The following GRB14 variants were observed in gnomAD, a reference collection of about 807,000 sequenced individuals.
The protein encoded by GRB14 is growth factor receptor bound protein 14, also known as growth factor receptor-bound protein 14.
In GRB14, 38 loss-of-function variants were observed where a neutral mutation model predicts 69.1. The ratio of observed to expected loss-of-function variants is 0.55; its 90% CI spans 0.42 to 0.72. The LOEUF (loss-of-function observed/expected upper bound fraction) is 0.72. Among genes scored for constraint, GRB14 ranks in the 30% least tolerant of loss-of-function variants. The pLI, the probability that GRB14 is intolerant of heterozygous loss-of-function variation, is 0.00. For missense variants in GRB14, 666 were observed against 666.1 expected (o/e 1.00, Z 0.00); for synonymous variants, 247 against 241.3 (o/e 1.02, Z -0.22).
At chr2:164,619,656 T>C in intron 2 of GRB14, 31 bp downstream of exon 2, 9 of 1,509,230 alleles carry the variant, frequency 6.0e-6, no homozygotes, top group Non-Finnish European at 8.1e-6. Context: ...ACTCCTAAGA[T>C]TTTTGAAATT....
intron 2 of GRB14, among the ~76,000 whole-genome samples, chr2:164,585,095 T>A: frequency 1.6e-5 from 1 of 63,358 alleles, no homozygotes; most frequent in African/African-American, 8.5e-5. Flanking sequence ...CTTTTTTTTT[T>A]TTTTTTTTTT....
At chr2:164,584,559 G>A (rs1296702680) in intron 2 of GRB14, among the ~76,000 whole-genome samples, 1 of 151,686 alleles carries the variant, frequency 6.6e-6, no homozygotes, top group Non-Finnish European at 1.5e-5. Flanking sequence ...TAGGAGATGT[G>A]TGGCTAAGAA....
chr2:164,609,012 A>G (rs1690106068), intron 2 of GRB14, among the ~76,000 whole-genome samples: 1 of 152,204 alleles, frequency 6.6e-6, no homozygotes. Context: ...GAAAGAAATC[A>G]TGTATATGTT....
In GRB14 at chr2:164,492,844, A is replaced by G; in HGVS notation, c.*192T>C. 1 of 470,120 alleles carries G rather than the reference A, an allele frequency of 2.1e-6. No homozygotes were observed. The highest frequency in any genetic ancestry group is 3.7e-6 in the Non-Finnish European group (1 of 272,492). 29.1% of individuals were successfully genotyped at this position (470,120 alleles called of 1,614,324 possible). A position where few individuals can be genotyped will look rare whatever the true frequency, so the allele number is the denominator to read the frequency against. ...TTTTCCTAAGGTTTAATTTTAACTAATGAATTTTAAATGATGAATGTAAAG... is the reference window on the plus strand; with the variant it reads ...TTTTCCTAAGGTTTAATTTTAACTAGTGAATTTTAAATGATGAATGTAAAG... On this transcript the variant is annotated 3_prime_UTR_variant, in exon 14 of 14. Coordinates refer to ENST00000263915, the MANE Select transcript of GRB14 (RefSeq NM_004490.3).
rs1412668759 is a variant in GRB14 at position 164,509,843 on chromosome 2, C to T, written c.817-991G>A. ...CCACAGAAGAACACACTGAGCAAAA[C>T]GGGCAACCCCATTCAAATCCAAAAA... On this transcript the variant is annotated intron_variant, in intron 6 of 13. Coordinates refer to ENST00000263915, the MANE Select transcript of GRB14 (RefSeq NM_004490.3). Among the ~76,000 whole-genome samples the T allele has an allele frequency of 2.8e-5, 4 of 140,360 alleles. No homozygotes were observed. The East Asian group carries it at 6.1e-4, about 21-fold the overall frequency. The allele number at this position is 140,360 out of a possible 152,430, so 92.1% of individuals were successfully genotyped here. A position where few individuals can be genotyped will look rare whatever the true frequency, so the allele number is the denominator to read the frequency against.
chr2:164,550,906 T>A (rs1187433559), intron 2 of GRB14, among the ~76,000 whole-genome samples: 1 of 152,188 alleles, frequency 6.6e-6, no homozygotes, highest in Non-Finnish European at 1.5e-5. Flanking sequence ...CATTTCCTTT[T>A]AGAGTACCAC....
chr2:164,535,120 C>T (rs1050114652), intron 3 of GRB14, among the ~76,000 whole-genome samples: 1 of 152,036 alleles, frequency 6.6e-6, no homozygotes, highest in Non-Finnish European at 1.5e-5. Flanking sequence ...GCTTCAAAAG[C>T]ATTTTAAAGG....
intron 2 of GRB14, among the ~76,000 whole-genome samples, chr2:164,613,729 C>T (rs1451525522): frequency 6.6e-6 from 1 of 152,170 alleles, no homozygotes; most frequent in Admixed American, 6.5e-5. Context: ...AGACCAGTGA[C>T]CTTTTGGCCT....
At position 164,544,327 on chromosome 2, in the gene GRB14, C is replaced by G. The variant is rs553230962; in HGVS notation, c.481+3333G>C. ...TTTGCAGTGTTCTCAGGGAAAAACACTTCTTGATTTACAGAGCAGATTTTT... is the reference window on the plus strand; with the variant it reads ...TTTGCAGTGTTCTCAGGGAAAAACAGTTCTTGATTTACAGAGCAGATTTTT... On this transcript the variant is annotated intron_variant, in intron 3 of 13. Coordinates refer to ENST00000263915, the MANE Select transcript of GRB14 (RefSeq NM_004490.3). Among the ~76,000 whole-genome samples the G allele has an allele frequency of 5.3e-5, 8 of 152,214 alleles. No homozygotes were observed. In the South Asian group the frequency reaches 1.4e-3, roughly 28 times the overall value.
chr2:164,561,724 C>A (rs764687765), intron 2 of GRB14, among the ~76,000 whole-genome samples: 9 of 152,146 alleles, frequency 5.9e-5, no homozygotes, highest in Non-Finnish European at 8.8e-5. Context: ...ACTCTCTAAG[C>A]CAATTTTCCT....
intron 5 of GRB14, 113 bp from the exon 6 acceptor site, chr2:164,522,230 A>G (rs974112069): frequency 1.1e-4 from 70 of 654,818 alleles, no homozygotes; most frequent in Middle Eastern, 4.2e-4. Flanking sequence ...ACAAGATCAT[A>G]ACATATAACA....
intron 4 of GRB14, 116 bp from the exon 5 acceptor site, chr2:164,525,194 C>T: frequency 1.4e-6 from 1 of 736,290 alleles, no homozygotes; most frequent in South Asian, 1.6e-5. Context: ...AAAATTCACC[C>T]AAAAGTGCTT....
chr2:164,556,902 C>A (rs1413525604), intron 2 of GRB14, among the ~76,000 whole-genome samples: 1 of 151,936 alleles, frequency 6.6e-6, no homozygotes, highest in Non-Finnish European at 1.5e-5. Flanking sequence ...TGAAAGAAAC[C>A]ATCATGTACA....
rs900332670 is a variant in GRB14 at position 164,604,640 on chromosome 2, T to TA, written c.324+15046dup. ...CATGTATGAACAATCTCTTCTTTCTTAAAAAAAAAAAAAGTTAGTTCTCTA... is the reference window on the plus strand; with the variant it reads ...CATGTATGAACAATCTCTTCTTTCTTAAAAAAAAAAAAAAGTTAGTTCTCTA... On this transcript the variant is annotated intron_variant, in intron 2 of 13. Transcript: ENST00000263915. Among the ~76,000 whole-genome samples the TA allele has an allele frequency of 6.6e-3, 942 of 143,654 alleles. 3 individuals are homozygous for TA. Among genetic ancestry groups the TA allele is most frequent in the East Asian group, 0.024 (117 of 4,972 alleles). The allele number at this position is 143,654 out of a possible 152,430, so 94.2% of individuals were successfully genotyped here.
intron 2 of GRB14, among the ~76,000 whole-genome samples, chr2:164,554,996 G>A (rs189689346): frequency 2.4e-4 from 37 of 151,940 alleles, no homozygotes; most frequent in Non-Finnish European, 4.1e-4. Flanking sequence ...AAAGTCAAAG[G>A]CCATTTCTAA....
At chr2:164,525,110 A>T in intron 4 of GRB14, 32 bp from the exon 5 acceptor site, 1 of 1,334,662 alleles carries the variant, frequency 7.5e-7, no homozygotes, top group South Asian at 1.2e-5. Flanking sequence ...ATTATCACAA[A>T]ATTCATGCTA....
At chr2:164,569,976 C>G (rs904571238) in intron 2 of GRB14, among the ~76,000 whole-genome samples, 1 of 152,100 alleles carries the variant, frequency 6.6e-6, no homozygotes, top group South Asian at 2.1e-4. Context: ...ATAACAAAGA[C>G]CATGGTAACA....
intron 2 of GRB14, among the ~76,000 whole-genome samples, chr2:164,562,965 A>G (rs13020041): frequency 0.12 from 18,827 of 152,180 alleles, 1,373 homozygotes; most frequent in East Asian, 0.34. Context: ...CTGGTTGAGT[A>G]TGCAACTAAG....
rs143411981 is a variant in GRB14 at position 164,544,241 on chromosome 2, G to C, written c.481+3419C>G. Among the ~76,000 whole-genome samples, 355 of 152,220 alleles carry C rather than the reference G, an allele frequency of 2.3e-3. 2 individuals are homozygous for C. The highest frequency in any genetic ancestry group is 8.3e-3 in the African/African-American group (343 of 41,522). On this transcript the variant is annotated intron_variant, in intron 3 of 13. Transcript: ENST00000263915. ...AGTATGTGGATCAAATTAATTCCCA[G>C]TGTTCCACTTTCAGCTTTTGCATTA...
Sources: allele counts gnomAD v4.1 joint callset (sites outside exome capture counted in the v4.1 genomes callset), GRCh38; gene constraint gnomAD v4.1.1; transcripts MANE v1.5; gene names NCBI Gene and HGNC (gene_info 2026-07-23, HGNC 2026-07-21).